Variants in LUC7L2 observed in about 807,000 individuals in gnomAD.
LUC7L2 encodes the protein LUC7 like 2, pre-mRNA splicing factor.
A neutral mutation model predicts 52.8 loss-of-function variants in LUC7L2; 25 were observed. That is an observed-to-expected ratio of 0.47 (90% CI 0.34 to 0.66). The LOEUF (loss-of-function observed/expected upper bound fraction) is 0.66, where lower values mean the gene tolerates loss of function less well. Ranked by LOEUF, LUC7L2 falls within the 30% of genes least tolerant of loss-of-function variation. LUC7L2 has a pLI of 0.01. For missense variants in LUC7L2, 328 were observed against 497.8 expected (o/e 0.66, Z 3.25); for synonymous variants, 144 against 160.9 (o/e 0.89, Z 0.80).
At chr7:139,362,176 T>C (rs1039589171) in intron 1 of LUC7L2, among the ~76,000 whole-genome samples, 7 of 152,122 alleles carry the variant, frequency 4.6e-5, no homozygotes, top group African/African-American at 1.7e-4. Context: ...CACAGTATTG[T>C]TTAGCTGAAA....
At chr7:139,354,907 A>T (rs1156944816), upstream of LUC7L2, among the ~76,000 whole-genome samples, 1 of 150,150 alleles carries the variant, frequency 6.7e-6, no homozygotes, top group Non-Finnish European at 1.5e-5. Context: ...TCCAGGTTGG[A>T]GTGCAGTAGT....
chr7:139,347,882 G>A (rs1799320591), intron 1 of LUC7L2, among the ~76,000 whole-genome samples: 1 of 152,050 alleles, frequency 6.6e-6, no homozygotes, highest in Non-Finnish European at 1.5e-5. Flanking sequence ...TGTATTTTTA[G>A]TAGAGATGGG....
At chr7:139,410,945 TGA>T (rs111728038) in intron 7 of LUC7L2, among the ~76,000 whole-genome samples, 13 of 151,766 alleles carry the variant, frequency 8.6e-5, no homozygotes, top group Non-Finnish European at 1.8e-4. Context: ...AGTCCTCTAT[TGA>T]GAGAGAGAGA....
upstream of LUC7L2, chr7:139,359,874 T>G: frequency 2.4e-6 from 1 of 411,942 alleles, no homozygotes; most frequent in East Asian, 3.6e-5. Flanking sequence ...GGGAAACGAC[T>G]GAGCGCGAGG....
At chr7:139,341,482 C>G (rs764463286) in intron 1 of LUC7L2, 1 of 1,613,814 alleles carries the variant, frequency 6.2e-7, no homozygotes, top group Non-Finnish European at 8.5e-7. Flanking sequence ...CGCGACACCG[C>G]GGCCTATCGG....
chr7:139,371,241 A>G (rs1800435717), intron 1 of LUC7L2: 2 of 611,942 alleles, frequency 3.3e-6, no homozygotes, highest in South Asian at 4.0e-5. Flanking sequence ...TGTACAAAAT[A>G]CTGATTGTTT....
At chr7:139,411,925 G>A (rs1011870059) in intron 7 of LUC7L2, among the ~76,000 whole-genome samples, 1 of 152,140 alleles carries the variant, frequency 6.6e-6, no homozygotes, top group Non-Finnish European at 1.5e-5. Context: ...TGGAAAATTA[G>A]CAAGTTGTGA....
At chr7:139,384,726 T>C (rs998646177) in intron 2 of LUC7L2, among the ~76,000 whole-genome samples, 5 of 151,952 alleles carry the variant, frequency 3.3e-5, no homozygotes, top group Admixed American at 3.3e-4. Context: ...TTGGAAATAA[T>C]CCTTTTCTGT....
chr7:139,415,956 T>C (rs990972460), intron 8 of LUC7L2, among the ~76,000 whole-genome samples: 10 of 150,650 alleles, frequency 6.6e-5, no homozygotes, highest in African/African-American at 2.2e-4. Flanking sequence ...ATGTATAATA[T>C]GATTTTGAAC....
At chr7:139,349,834 T>C (rs1799395071) in intron 1 of LUC7L2, among the ~76,000 whole-genome samples, 1 of 152,206 alleles carries the variant, frequency 6.6e-6, no homozygotes, top group Admixed American at 6.5e-5. Flanking sequence ...AATTTACATA[T>C]AATAAATATA....
intron 2 of LUC7L2, among the ~76,000 whole-genome samples, chr7:139,391,445 C>G (rs954392473): frequency 5.3e-5 from 8 of 151,768 alleles, no homozygotes; most frequent in African/African-American, 1.9e-4. Context: ...TAACATATTA[C>G]TACTATTAAT....
intron 5 of LUC7L2, among the ~76,000 whole-genome samples, 190 bp from the exon 6 acceptor site, chr7:139,406,984 A>G (rs1188845214): frequency 7.0e-6 from 1 of 142,368 alleles, no homozygotes; most frequent in African/African-American, 2.7e-5. Context: ...TCATAACAAA[A>G]TAGCCATGCT....
In LUC7L2 at chr7:139,340,844, T is replaced by TA. The variant is rs764932599; in HGVS notation, c.-26+330dup. On this transcript the variant is annotated intron_variant, in intron 1 of 10. Transcript: ENST00000541170. ...ATGCCAACTTTACTTTTTTTTTTTTTAAATGGGAAGTGTGTGTGTGTTTTT... is the reference window on the plus strand; with the variant it reads ...ATGCCAACTTTACTTTTTTTTTTTTTAAAATGGGAAGTGTGTGTGTGTTTTT... Among the ~76,000 whole-genome samples, 80 of 151,594 alleles carry TA rather than the reference T, an allele frequency of 5.3e-4. 1 individual carries two copies. The highest frequency in any genetic ancestry group is 1.0e-3 in the Non-Finnish European group (70 of 67,932).
chr7:139,412,536 A>AC lies in LUC7L2; in HGVS notation c.780-15_780-14insC, dbSNP rs11409457. ...TATAGCCACTTTTCTAAAAATACAT[A>AC]TTTTTTTTTTTTAGGTCCCGATCAC... On this transcript the variant is annotated splice_polypyrimidine_tract_variant and intron_variant, in intron 7 of 9. Coordinates refer to ENST00000354926, the MANE Select transcript of LUC7L2 (RefSeq NM_016019.5). 0.25 allele frequency: 350,379 copies of AC among 1,418,776 alleles called. 20,466 individuals carry two copies. The highest frequency in any genetic ancestry group is 0.66 in the African/African-American group (45,566 of 69,234). 87.9% of individuals were successfully genotyped at this position (1,418,776 alleles called of 1,614,324 possible).
At chr7:139,349,871 A>G (rs1033702780) in intron 1 of LUC7L2, among the ~76,000 whole-genome samples, 3 of 152,214 alleles carry the variant, frequency 2.0e-5, no homozygotes, top group African/African-American at 7.2e-5. Flanking sequence ...AGGTCAATGA[A>G]TTTTGACAAA....
chr7:139,389,607 C>G (rs1453489506), intron 2 of LUC7L2, among the ~76,000 whole-genome samples: 5 of 152,040 alleles, frequency 3.3e-5, no homozygotes, highest in Admixed American at 2.6e-4. Flanking sequence ...TGTGAATTTG[C>G]TTGAAAATGG....
At chr7:139,344,839 A>G (rs1280954826) in intron 1 of LUC7L2, 2 of 148,332 alleles carry the variant, frequency 1.3e-5, no homozygotes, top group Admixed American at 1.4e-4. Context: ...AGTAGTTGGT[A>G]CTACAGGCAC....
chr7:139,355,887 A>G (rs942050025), upstream of LUC7L2, among the ~76,000 whole-genome samples: 1 of 152,254 alleles, frequency 6.6e-6, no homozygotes, highest in Non-Finnish European at 1.5e-5. Flanking sequence ...GAATGAATGA[A>G]AACTCATTGT....
upstream of LUC7L2, chr7:139,359,553 A>G (rs1181410793): frequency 9.5e-6 from 3 of 315,232 alleles, no homozygotes; most frequent in African/African-American, 2.1e-5. Flanking sequence ...GACGATGGGC[A>G]TGGTCTCTAC....
Sources: gnomAD v4.1 joint callset for allele counts (sites outside exome capture counted in the v4.1 genomes callset) on GRCh38, gnomAD v4.1.1 for gene constraint, MANE v1.5 for transcripts, NCBI Gene and HGNC (gene_info 2026-07-23, HGNC 2026-07-21) for gene names.